The following RABGAP1L variants were observed in gnomAD, a reference collection of about 807,000 sequenced individuals.
The protein encoded by RABGAP1L is RAB GTPase activating protein 1 like, also known as rab GTPase-activating protein 1-like.
In RABGAP1L, 63 loss-of-function variants were observed where a neutral mutation model predicts 137.7. The ratio of observed to expected loss-of-function variants is 0.46; its 90% CI spans 0.37 to 0.56. The LOEUF (loss-of-function observed/expected upper bound fraction) is 0.56. Among genes scored for constraint, RABGAP1L ranks in the 20% least tolerant of loss-of-function variants. The pLI, the probability that RABGAP1L is intolerant of heterozygous loss-of-function variation, is 0.00. For missense variants in RABGAP1L, 1,095 were observed against 1,244.0 expected, an observed-to-expected ratio of 0.88 and a Z score of 1.80; for synonymous variants, 431 against 433.7, an observed-to-expected ratio of 0.99 and a Z score of 0.08.
chr1:174,307,413 C>T (rs979093919), intron 11 of RABGAP1L, among the ~76,000 whole-genome samples: 1 of 152,118 alleles, frequency 6.6e-6, no homozygotes, highest in Non-Finnish European at 1.5e-5. Context: ...TAAACATTTT[C>T]GTCATCCAAG....
At chr1:174,459,693 C>A (rs886890543) in intron 13 of RABGAP1L, among the ~76,000 whole-genome samples, 1 of 151,822 alleles carries the variant, frequency 6.6e-6, no homozygotes. Context: ...CCATTTTTTT[C>A]CCCTGAATAT....
Position 174,596,576 on chromosome 1 carries a change from A to G in RABGAP1L, c.1711-40799A>G, listed in dbSNP as rs893748909. ...TCATATATTGATTTTATATCCTGTA[A>G]TTTTATGTAATTTACTTCTCAGTTC... On this transcript the variant is annotated intron_variant, in intron 13 of 25. Transcript: ENST00000681986. Among the ~76,000 whole-genome samples the G allele has an allele frequency of 3.9e-5, 6 of 152,182 alleles. No homozygotes were observed. The East Asian group carries it at 5.8e-4, about 15-fold the overall frequency.
intron 16 of RABGAP1L, among the ~76,000 whole-genome samples, chr1:174,701,559 T>C (rs1679650317): frequency 6.6e-6 from 1 of 151,974 alleles, no homozygotes; most frequent in African/African-American, 2.4e-5. Flanking sequence ...CAGGCTAATA[T>C]GGTGAAACAC....
At chr1:174,589,326 G>A (rs1433028788) in intron 13 of RABGAP1L, among the ~76,000 whole-genome samples, 1 of 151,922 alleles carries the variant, frequency 6.6e-6, no homozygotes, top group Non-Finnish European at 1.5e-5. Context: ...TGAGTTGTTG[G>A]AGCTCCTTAT....
intron 11 of RABGAP1L, among the ~76,000 whole-genome samples, chr1:174,344,269 G>A (rs74128360): frequency 0.012 from 1,865 of 152,256 alleles, 48 homozygotes; most frequent in African/African-American, 0.043. Context: ...AACAATAGGA[G>A]TTAGCTTTTA....
At chr1:174,565,707 A>G (rs948945783) in intron 13 of RABGAP1L, among the ~76,000 whole-genome samples, 2 of 152,238 alleles carry the variant, frequency 1.3e-5, no homozygotes, top group Non-Finnish European at 2.9e-5. Context: ...TAGCTTAAAC[A>G]CCAGCATTTT....
intron 1 of RABGAP1L, among the ~76,000 whole-genome samples, chr1:174,218,460 A>C (rs1275734936): frequency 3.9e-5 from 6 of 152,176 alleles, no homozygotes; most frequent in Non-Finnish European, 7.4e-5. Context: ...TCTATGCTGT[A>C]GAGATCTATC....
chr1:174,322,452 C>A (rs1039010878), intron 11 of RABGAP1L, among the ~76,000 whole-genome samples: 3 of 152,156 alleles, frequency 2.0e-5, no homozygotes, highest in East Asian at 1.9e-4. Flanking sequence ...CAAAAGCGCT[C>A]ACTCATATAG....
chr1:174,547,029 CAAAAAAAAAAAAAA>C (rs375413887), intron 13 of RABGAP1L, among the ~76,000 whole-genome samples: 3 of 78,232 alleles, frequency 3.8e-5, no homozygotes, highest in Admixed American at 1.4e-4. Context: ...GACTCTGTCT[CAAAAAAAAAAAAAA>C]AAAAAAAAAA....
At chr1:174,757,390 A>C (rs1465982992) in intron 18 of RABGAP1L, among the ~76,000 whole-genome samples, 2 of 152,052 alleles carry the variant, frequency 1.3e-5, no homozygotes, top group African/African-American at 4.8e-5. Context: ...ACTGTAACCA[A>C]ATTTTAATTT....
At chr1:174,533,546 C>G (rs1460431712) in intron 13 of RABGAP1L, among the ~76,000 whole-genome samples, 1 of 152,164 alleles carries the variant, frequency 6.6e-6, no homozygotes, top group Non-Finnish European at 1.5e-5. Context: ...TGATCCACTT[C>G]TATTTAATAA....
intron 13 of RABGAP1L, among the ~76,000 whole-genome samples, chr1:174,451,451 G>C (rs1034747667): frequency 2.0e-5 from 3 of 152,086 alleles, no homozygotes; most frequent in Non-Finnish European, 4.4e-5. Flanking sequence ...ACTTTTACAT[G>C]TGTTATACCT....
intron 13 of RABGAP1L, among the ~76,000 whole-genome samples, chr1:174,565,530 C>G (rs1375797119): frequency 6.6e-6 from 1 of 152,068 alleles, no homozygotes; most frequent in Non-Finnish European, 1.5e-5. Flanking sequence ...ATCTTGGCTT[C>G]TACTTTCTCT....
intron 10 of RABGAP1L, among the ~76,000 whole-genome samples, chr1:174,284,513 G>C (rs12060460): frequency 1.3e-5 from 2 of 152,142 alleles, no homozygotes; most frequent in East Asian, 3.9e-4. Context: ...TCCATGTCTA[G>C]TGAATAATGT....
At chr1:174,674,066 T>C (rs1417232227) in intron 14 of RABGAP1L, among the ~76,000 whole-genome samples, 1 of 151,778 alleles carries the variant, frequency 6.6e-6, no homozygotes, top group African/African-American at 2.4e-5. Flanking sequence ...TCAGAGTTTT[T>C]TTTTTTCTTT....
intron 14 of RABGAP1L, among the ~76,000 whole-genome samples, chr1:174,671,319 ATTTC>A (rs1175149676): frequency 1.3e-5 from 2 of 152,036 alleles, no homozygotes; most frequent in Non-Finnish European, 2.9e-5. Context: ...GATGCCTTTT[ATTTC>A]TTTCTTTTGC....
At chr1:174,407,982 G>T (rs915484706) in intron 13 of RABGAP1L, among the ~76,000 whole-genome samples, 2 of 152,180 alleles carry the variant, frequency 1.3e-5, no homozygotes, top group African/African-American at 4.8e-5. Context: ...CCGAGATGGG[G>T]TTGAAAATTT....
intron 19 of RABGAP1L, among the ~76,000 whole-genome samples, chr1:174,874,792 GAC>G (rs1437680500): frequency 6.6e-6 from 1 of 151,966 alleles, no homozygotes; most frequent in Non-Finnish European, 1.5e-5. Flanking sequence ...ACGGTAGAGT[GAC>G]AGTTTCTCTA....
At chr1:174,195,689 C>T (rs189633691) in intron 1 of RABGAP1L, among the ~76,000 whole-genome samples, 337 of 105,808 alleles carry the variant, frequency 3.2e-3, no homozygotes, top group Middle Eastern at 5.4e-3. Context: ...TCCTTCTTTC[C>T]TTCTTTCCTT....
Sources: allele counts gnomAD v4.1 joint callset (sites outside exome capture counted in the v4.1 genomes callset), GRCh38; gene constraint gnomAD v4.1.1; transcripts MANE v1.5; gene names NCBI Gene and HGNC (gene_info 2026-07-23, HGNC 2026-07-21).